MYH11: variants seen among roughly 807,000 people sequenced by gnomAD.
MYH11 encodes the protein myosin heavy chain 11.
Under a neutral mutation model 246.6 loss-of-function variants are expected in MYH11, and 80 were observed. The ratio of observed to expected loss-of-function variants is 0.32; its 90% CI spans 0.27 to 0.39. The LOEUF is 0.39. MYH11 is among the 10% of genes least tolerant of loss of function. The pLI is 1.00. For synonymous variants in MYH11, 1,071 were observed against 1,015.5 expected (o/e 1.05, Z -1.04); for missense variants, 2,158 against 2,546.8 (o/e 0.85, Z 3.29).
In MYH11 at chr16:15,757,774, CCA is replaced by C; in HGVS notation, c.1575+51_1575+52del. 3 of 1,612,240 alleles carry C rather than the reference CCA, an allele frequency of 1.9e-6. No individual in the cohort carries two copies. The South Asian group carries it at 3.3e-5, about 18-fold the overall frequency. ...GGGGTCCACGTCGGCTCCACAGAGG[CCA>C]CACACGTGTACAAGGTGTGACGGAG... On this transcript the variant is annotated intron_variant, in intron 13 of 40. Transcript: ENST00000300036.
intron 37 of MYH11, chr16:15,717,721 G>C (rs1376852761): frequency 2.1e-5 from 7 of 328,954 alleles, no homozygotes; most frequent in Admixed American, 9.0e-5. Flanking sequence ...CCTTGAACTT[G>C]GGAGGCAGAG....
intron 2 of MYH11, among the ~76,000 whole-genome samples, chr16:15,823,976 T>C (rs1021387835): frequency 2.0e-5 from 3 of 152,090 alleles, no homozygotes; most frequent in Non-Finnish European, 4.4e-5. Context: ...GCTCCACTCC[T>C]CCGACCTGCC....
intron 27 of MYH11, among the ~76,000 whole-genome samples, chr16:15,728,411 G>A (rs1280724286): frequency 6.6e-6 from 1 of 152,166 alleles, no homozygotes; most frequent in Non-Finnish European, 1.5e-5. Flanking sequence ...GAAACAGAGG[G>A]TCTTGCTTTC....
rs555972324 is a variant in MYH11, at chr16:15,741,577, G to A, written c.2745C>T (p.Ala915=). Residue 915 remains alanine (A), a synonymous_variant, in exon 22 of 41, where the codon GCC becomes GCT. Coordinates refer to ENST00000300036, the MANE Select transcript of MYH11 (RefSeq NM_002474.3). ...EAEEMRVRLA[A]KKQELEEILH... is the part of the protein sequence containing the mutation. Reference sequence around the variant, plus strand: ...GTATCTCCTCCAGCTCCTGCTTCTTGGCCGCCAGCCGCACCCGCATCTCCT... The same window carrying A: ...GTATCTCCTCCAGCTCCTGCTTCTTAGCCGCCAGCCGCACCCGCATCTCCT... 10 of 1,611,944 alleles carry A rather than the reference G, an allele frequency of 6.2e-6. No homozygotes were observed. The highest frequency in any genetic ancestry group is 1.3e-5 in the African/African-American group (1 of 75,032).
At position 15,703,295 on chromosome 16, in the gene MYH11, C is replaced by T. The variant is rs1443276314; in HGVS notation, c.*696G>A. On this transcript the variant is annotated 3_prime_UTR_variant, in exon 41 of 41. Coordinates refer to ENST00000300036, the MANE Select transcript of MYH11 (RefSeq NM_002474.3). Reference sequence around the variant, plus strand: ...ACTGTGCGTGTCTGAGGTGTGGAAACCAGGAGAGGGGGAAAGAATTCTCAA... The same window carrying T: ...ACTGTGCGTGTCTGAGGTGTGGAAATCAGGAGAGGGGGAAAGAATTCTCAA... 8.8e-6 allele frequency: 2 copies of T among 226,662 alleles called. No homozygotes were observed. Among genetic ancestry groups the T allele is most frequent in the Non-Finnish European group, 1.8e-5 (2 of 113,600 alleles). 14.0% of individuals were successfully genotyped at this position (226,662 alleles called of 1,614,324 possible). A position where few individuals can be genotyped will look rare whatever the true frequency, so the allele number is the denominator to read the frequency against.
At chr16:15,800,519 A>T (rs923913183) in intron 3 of MYH11, among the ~76,000 whole-genome samples, 1 of 150,812 alleles carries the variant, frequency 6.6e-6, no homozygotes, top group Non-Finnish European at 1.5e-5. Flanking sequence ...CGGAGGAGGG[A>T]AGGATGAGTG....
intron 40 of MYH11, chr16:15,708,725 G>A: frequency 3.5e-6 from 5 of 1,447,436 alleles, no homozygotes; most frequent in Non-Finnish European, 4.8e-6. Flanking sequence ...AAAAATTGGG[G>A]TGGGCAGAGG....
At chr16:15,785,403 G>A (rs535554313) in intron 5 of MYH11, 1 of 152,052 alleles carries the variant, frequency 6.6e-6, no homozygotes, top group African/African-American at 2.4e-5. Context: ...ACAGCCTCTG[G>A]GGCCATTGTT....
At position 15,776,517 on chromosome 16, in the gene MYH11, T is replaced by G. The variant is rs147204410; in HGVS notation, c.791-341A>C. ...TTCAGACATGACAGAATACAAATAA[T>G]GACACCATCTATGATCCTATGATTT... On this transcript the variant is annotated intron_variant, in intron 7 of 40. Transcript: ENST00000300036. 3.3e-5 allele frequency among the ~76,000 whole-genome samples: 5 copies of G among 152,300 alleles called. No homozygotes were observed. In the East Asian group the frequency reaches 9.6e-4, roughly 29 times the overall value.
At chr16:15,824,266 A>C (rs1182048668) in intron 2 of MYH11, among the ~76,000 whole-genome samples, 2 of 150,988 alleles carry the variant, frequency 1.3e-5, no homozygotes, top group African/African-American at 4.9e-5. Context: ...CAAGAACAGA[A>C]GAGAATGTTG....
intron 40 of MYH11, among the ~76,000 whole-genome samples, chr16:15,711,990 C>T (rs1173145148): frequency 6.6e-6 from 1 of 152,182 alleles, no homozygotes; most frequent in Non-Finnish European, 1.5e-5. Context: ...CTGCACCCAG[C>T]CTGGGCAGGA....
At chr16:15,732,835 G>C in intron 26 of MYH11, 127 bp from the exon 27 acceptor site, 1 of 1,208,638 alleles carries the variant, frequency 8.3e-7, no homozygotes, top group Admixed American at 2.0e-5. Context: ...CTCTCTAGCT[G>C]TGTGACCTTG....
chr16:15,809,298 G>A (rs965408794), intron 3 of MYH11, among the ~76,000 whole-genome samples: 13 of 152,284 alleles, frequency 8.5e-5, no homozygotes, highest in African/African-American at 2.2e-4. Context: ...TTGGGAGACC[G>A]AGGCGGGAGG....
intron 4 of MYH11, among the ~76,000 whole-genome samples, chr16:15,795,501 C>T (rs2042724281): frequency 6.6e-6 from 1 of 152,084 alleles, no homozygotes; most frequent in South Asian, 2.1e-4. Flanking sequence ...ATCCCAGCTA[C>T]TCGGGAGGCT....
intron 6 of MYH11, 75 bp from the exon 7 acceptor site, chr16:15,778,918 A>T: frequency 2.2e-6 from 3 of 1,384,490 alleles, no homozygotes; most frequent in Non-Finnish European, 3.1e-6. Context: ...GGCAAGCAGG[A>T]GGCAGATGGT....
In MYH11 at chr16:15,778,434, A is replaced by G. The variant is rs1370526004; in HGVS notation, c.790+346T>C. ...CCTAGAGCTTTATATGAGTTCATTC[A>G]CTCTATTCTCACATTTCTATGAGGC... On this transcript the variant is annotated intron_variant, in intron 7 of 40. Coordinates refer to ENST00000300036, the MANE Select transcript of MYH11 (RefSeq NM_002474.3). 2.0e-5 allele frequency among the ~76,000 whole-genome samples: 3 copies of G among 151,882 alleles called. No individual in the cohort carries two copies. In the East Asian group the frequency reaches 5.8e-4, roughly 29 times the overall value.
intron 10 of MYH11, among the ~76,000 whole-genome samples, chr16:15,762,320 C>A (rs1034855444): frequency 3.3e-5 from 5 of 152,296 alleles, no homozygotes; most frequent in African/African-American, 1.2e-4. Context: ...CCAAAACAAA[C>A]CCCCTTCTTG....
chr16:15,814,912 GTA>G (rs75899606), intron 3 of MYH11, among the ~76,000 whole-genome samples: 19,356 of 151,876 alleles, frequency 0.13, 1,290 homozygotes, highest in East Asian at 0.15. Context: ...AAGAAGGAAG[GTA>G]TAATGTACAA....
At chr16:15,771,497 AGAG>A in intron 9 of MYH11, 69 bp downstream of exon 9, 1 of 1,546,504 alleles carries the variant, frequency 6.5e-7, no homozygotes, top group Non-Finnish European at 8.9e-7. Flanking sequence ...TGTCCTGACC[AGAG>A]AAGAGTTCTT....
Sources: gnomAD v4.1 joint callset for allele counts (sites outside exome capture counted in the v4.1 genomes callset) on GRCh38, gnomAD v4.1.1 for gene constraint, MANE v1.5 for transcripts, NCBI Gene and HGNC (gene_info 2026-07-23, HGNC 2026-07-21) for gene names.